NRG1: variants seen among roughly 807,000 people sequenced by gnomAD.
NRG1 encodes the protein pro-neuregulin-1, membrane-bound isoform.
Under a neutral mutation model 63.8 loss-of-function variants are expected in NRG1, and 18 were observed. The observed-to-expected ratio is 0.28, with a 90% CI of 0.19 to 0.42. The LOEUF is 0.42. NRG1 is among the 10% of genes least tolerant of loss of function. The pLI is 1.00. For synonymous variants in NRG1, 302 were observed against 301.3 expected (o/e 1.00, Z -0.02); for missense variants, 762 against 814.7 (o/e 0.94, Z 0.79).
chr8:32,098,429 GC>G (rs753359034), intron 1 of NRG1, among the ~76,000 whole-genome samples: 1 of 152,182 alleles, frequency 6.6e-6, no homozygotes, highest in African/African-American at 2.4e-5. Flanking sequence ...AGAAATAACG[GC>G]TTGGTAATGG....
chr8:32,284,489 G>GCCTTCCTTTCCTT (rs1853271054), intron 1 of NRG1, among the ~76,000 whole-genome samples: 1 of 132,522 alleles, frequency 7.5e-6, no homozygotes, highest in South Asian at 2.7e-4. Context: ...CTGCCTGCCT[G>GCCTTCCTTTCCTT]CCTTCCTTCC....
At chr8:32,329,894 TA>T (rs1336313406) in intron 1 of NRG1, among the ~76,000 whole-genome samples, 2 of 151,744 alleles carry the variant, frequency 1.3e-5, no homozygotes, top group East Asian at 1.9e-4. Context: ...AAATAAGAGA[TA>T]GGGGGTCTCA....
chr8:32,325,314 G>C (rs1433904904), intron 1 of NRG1, among the ~76,000 whole-genome samples: 1 of 152,076 alleles, frequency 6.6e-6, no homozygotes, highest in East Asian at 1.9e-4. Context: ...GGGCACAATG[G>C]CATTGATATC....
At chr8:32,546,841 A>G (rs1157708596), upstream of NRG1, among the ~76,000 whole-genome samples, 1 of 152,206 alleles carries the variant, frequency 6.6e-6, no homozygotes, top group African/African-American at 2.4e-5. Flanking sequence ...GGACAGTTTT[A>G]AAGTGAACAT....
At chr8:31,844,166 G>A (rs111279854) in intron 1 of NRG1, among the ~76,000 whole-genome samples, 1,633 of 152,256 alleles carry the variant, frequency 0.011, 6 homozygotes, top group Non-Finnish European at 0.019. Context: ...GCTCTGTTGC[G>A]CACTTCTCTG....
chr8:31,715,990 T>A (rs2131281304), intron 1 of NRG1, among the ~76,000 whole-genome samples: 1 of 152,348 alleles, frequency 6.6e-6, no homozygotes, highest in East Asian at 1.9e-4. Flanking sequence ...ATGTGTCATT[T>A]ATTTTTTCCA....
chr8:32,000,495 G>A (rs115533049), intron 1 of NRG1, among the ~76,000 whole-genome samples: 29 of 151,762 alleles, frequency 1.9e-4, no homozygotes, highest in African/African-American at 6.8e-4. Context: ...CCAAACTCCT[G>A]GCCTCAAGCA....
chr8:32,666,242 T>C (rs922808063), intron 5 of NRG1, among the ~76,000 whole-genome samples: 2 of 152,178 alleles, frequency 1.3e-5, no homozygotes, highest in Non-Finnish European at 2.9e-5. Flanking sequence ...GCAGACAGAC[T>C]TCAGAATCAC....
intron 1 of NRG1, among the ~76,000 whole-genome samples, chr8:32,057,546 C>G (rs1245563753): frequency 6.6e-6 from 1 of 152,120 alleles, no homozygotes; most frequent in Non-Finnish European, 1.5e-5. Context: ...ATCAGGAGAG[C>G]TGAGTGAAAT....
intron 1 of NRG1, among the ~76,000 whole-genome samples, chr8:31,751,279 C>T (rs2345991): frequency 0.33 from 50,554 of 151,800 alleles, 8,910 homozygotes; most frequent in East Asian, 0.69. Flanking sequence ...GTCCCAAACT[C>T]TAGGTCAGAG....
chr8:31,959,779 ATTATTTAT>A (rs201657636), intron 1 of NRG1, among the ~76,000 whole-genome samples: 57 of 135,048 alleles, frequency 4.2e-4, no homozygotes, highest in African/African-American at 1.6e-3. Flanking sequence ...GCAACCACCG[ATTATTTAT>A]TTATTTATTA....
chr8:31,788,202 A>T (rs1191653378), intron 1 of NRG1, among the ~76,000 whole-genome samples: 1 of 152,116 alleles, frequency 6.6e-6, no homozygotes, highest in Non-Finnish European at 1.5e-5. Context: ...AGATAAAGAA[A>T]AAAACCCATA....
chr8:32,151,583 C>T (rs757109829), intron 1 of NRG1, among the ~76,000 whole-genome samples: 4 of 151,928 alleles, frequency 2.6e-5, no homozygotes, highest in Non-Finnish European at 5.9e-5. Context: ...GAGTGGTGAA[C>T]GGGAAAATCT....
At chr8:32,600,328 AC>A (rs1844114685) in intron 2 of NRG1, among the ~76,000 whole-genome samples, 1 of 39,054 alleles carries the variant, frequency 2.6e-5, no homozygotes, top group Admixed American at 3.3e-4. Context: ...AGTGTTGGAC[AC>A]ACACACACAC....
At chr8:32,743,037 AAG>A in intron 7 of NRG1, 1 of 1,154,196 alleles carries the variant, frequency 8.7e-7, no homozygotes, top group African/African-American at 1.6e-5. Flanking sequence ...TATGATAATA[AAG>A]GCATTTCAAA....
At chr8:32,711,105 G>C (rs538499307) in intron 5 of NRG1, among the ~76,000 whole-genome samples, 10 of 152,240 alleles carry the variant, frequency 6.6e-5, no homozygotes, top group African/African-American at 2.2e-4. Flanking sequence ...AATGAAAGAG[G>C]CGTCATCGGG....
At chr8:32,286,626 C>T (rs1335442942) in intron 1 of NRG1, among the ~76,000 whole-genome samples, 3 of 152,164 alleles carry the variant, frequency 2.0e-5, no homozygotes, top group African/African-American at 4.8e-5. Flanking sequence ...TAAAAAAGAA[C>T]CTGGCACCTT....
At chr8:32,441,605 T>C (rs1409136354) in intron 1 of NRG1, among the ~76,000 whole-genome samples, 1 of 151,996 alleles carries the variant, frequency 6.6e-6, no homozygotes, top group Admixed American at 6.6e-5. Flanking sequence ...GGAGACATAG[T>C]GAGATGCTGT....
At chr8:32,508,731 G>GT (rs1389669030) in intron 1 of NRG1, among the ~76,000 whole-genome samples, 29 of 151,906 alleles carry the variant, frequency 1.9e-4, no homozygotes, top group East Asian at 5.8e-4. Flanking sequence ...TGTTGTTTTG[G>GT]TTTTTTGTTT....
Sources: allele counts gnomAD v4.1 joint callset (sites outside exome capture counted in the v4.1 genomes callset), GRCh38; gene constraint gnomAD v4.1.1; transcripts MANE v1.5; gene names NCBI Gene and HGNC (gene_info 2026-07-23, HGNC 2026-07-21).